ADAM12: variants seen among roughly 807,000 people sequenced by gnomAD.
The protein encoded by ADAM12 is ADAM metallopeptidase domain 12.
In ADAM12, 70 loss-of-function variants were observed where a neutral mutation model predicts 106.4. That is an observed-to-expected ratio of 0.66 (90% CI 0.54 to 0.80). The LOEUF (loss-of-function observed/expected upper bound fraction) is 0.80, where lower values mean the gene tolerates loss of function less well. Ranked by LOEUF, ADAM12 falls within the 30% of genes least tolerant of loss-of-function variation. The probability of loss-of-function intolerance (pLI) is 0.00; values close to 1 mark genes in which losing one functional copy is unlikely to be tolerated. For missense variants in ADAM12, 1,010 were observed against 1,171.9 expected (o/e 0.86, Z 2.02); for synonymous variants, 420 against 433.5 (o/e 0.97, Z 0.39).
intron 2 of ADAM12, among the ~76,000 whole-genome samples, chr10:126,294,731 A>G (rs1320804581): frequency 6.6e-6 from 1 of 152,234 alleles, no homozygotes; most frequent in Non-Finnish European, 1.5e-5. Flanking sequence ...TACAACCAGT[A>G]AGAACCAAAA....
intron 21 of ADAM12, 110 bp downstream of exon 21, chr10:126,036,036 C>A: frequency 1.0e-6 from 1 of 996,150 alleles, no homozygotes. Flanking sequence ...GAATTATCTC[C>A]ATTTTACAGA....
At chr10:126,251,396 C>T (rs1031131902) in intron 3 of ADAM12, among the ~76,000 whole-genome samples, 1 of 143,484 alleles carries the variant, frequency 7.0e-6, no homozygotes, top group African/African-American at 2.6e-5. Context: ...AAGAACTTGC[C>T]CAAGGTCACT....
chr10:126,272,847 TG>T, intron 3 of ADAM12: 1 of 416,780 alleles, frequency 2.4e-6, no homozygotes. Context: ...GGATCTACAA[TG>T]GCTTCTACAG....
At chr10:126,344,050 C>G (rs1384063263) in intron 1 of ADAM12, among the ~76,000 whole-genome samples, 1 of 152,158 alleles carries the variant, frequency 6.6e-6, no homozygotes, top group Non-Finnish European at 1.5e-5. Context: ...TCAATTTTGG[C>G]TTTTGTTGCC....
chr10:126,311,532 C>T (rs1003583934), intron 2 of ADAM12, among the ~76,000 whole-genome samples: 10 of 151,942 alleles, frequency 6.6e-5, no homozygotes, highest in South Asian at 4.2e-4. Flanking sequence ...TTGGTGGGCT[C>T]CTGGATGGGG....
intron 3 of ADAM12, among the ~76,000 whole-genome samples, chr10:126,268,664 G>T (rs1290744060): frequency 6.6e-6 from 1 of 152,212 alleles, no homozygotes; most frequent in Non-Finnish European, 1.5e-5. Flanking sequence ...ACTATCAGTT[G>T]CAGTTTTCCC....
At chr10:126,310,322 G>C (rs937176131) in intron 2 of ADAM12, among the ~76,000 whole-genome samples, 3 of 152,096 alleles carry the variant, frequency 2.0e-5, no homozygotes, top group African/African-American at 7.2e-5. Context: ...TAGTAGAGTG[G>C]TCAAAGGGGT....
chr10:126,051,295 C>T (rs1954475407), intron 14 of ADAM12, among the ~76,000 whole-genome samples: 1 of 152,190 alleles, frequency 6.6e-6, no homozygotes, highest in Admixed American at 6.5e-5. Context: ...TTTGCACACA[C>T]CCTATGTATT....
chr10:126,236,166 C>T (rs1958411657), intron 3 of ADAM12, among the ~76,000 whole-genome samples: 1 of 152,220 alleles, frequency 6.6e-6, no homozygotes, highest in African/African-American at 2.4e-5. Flanking sequence ...CCAGGGGATG[C>T]TGGAGCTCAG....
chr10:126,063,293 C>A (rs537737879), intron 14 of ADAM12, among the ~76,000 whole-genome samples: 1 of 152,264 alleles, frequency 6.6e-6, no homozygotes, highest in Non-Finnish European at 1.5e-5. Context: ...CTTTTCCCCC[C>A]CAGAAAGCTC....
At position 126,038,245 on chromosome 10, in the gene ADAM12, G is replaced by A. The variant is rs1954092955; in HGVS notation, c.2345C>T (p.Pro782Leu). 3.1e-6 allele frequency: 5 copies of A among 1,608,564 alleles called. No individual in the cohort carries two copies. The highest frequency in any genetic ancestry group is 2.2e-5 in the South Asian group (2 of 89,370). ...TCACATCTACTCAAGACTCACCTTC[G>A]GTGGGTAGGAATCTGGCGGCTTCCT... ...LMRKPPDSYPPKDNPRRLLQC... is the reference protein window; with the variant it reads ...LMRKPPDSYPLKDNPRRLLQC... The change falls in exon 20 of 23, where the codon CCG (proline) becomes CTG (leucine). Residue 782 changes from proline to leucine, a missense_variant. This residue lies in a region of ADAM12 where 615 missense variants were observed against 708.5 expected (regional missense o/e 0.87). Coordinates refer to ENST00000448723, the MANE Select transcript of ADAM12 (RefSeq NM_001288973.2).
At chr10:126,081,593 G>C (rs529771683) in intron 11 of ADAM12, among the ~76,000 whole-genome samples, 29 of 152,314 alleles carry the variant, frequency 1.9e-4, no homozygotes, top group Non-Finnish European at 3.5e-4. Context: ...ACCTGGGCGT[G>C]TGGTGAGAAC....
chr10:126,118,029 C>A lies in ADAM12; in HGVS notation c.603+9G>T, dbSNP rs758215836. On this transcript the variant is annotated intron_variant, in intron 6 of 22. Coordinates refer to ENST00000448723, the MANE Select transcript of ADAM12 (RefSeq NM_001288973.2). Reference sequence around the variant, plus strand: ...TTTCCAGAAACACAAAATCAGGTATCCCCCTTACCCTTCTTGCCCATGTCT... The same window carrying A: ...TTTCCAGAAACACAAAATCAGGTATACCCCTTACCCTTCTTGCCCATGTCT... 1.2e-6 allele frequency: 2 copies of A among 1,612,864 alleles called. No homozygotes were observed. Among genetic ancestry groups the A allele is most frequent in the Non-Finnish European group, 1.7e-6 (2 of 1,179,158 alleles).
chr10:126,180,225 G>T (rs1341671518), intron 3 of ADAM12, among the ~76,000 whole-genome samples: 1 of 152,178 alleles, frequency 6.6e-6, no homozygotes, highest in Admixed American at 6.5e-5. Flanking sequence ...TGTCCGGAAG[G>T]TCATCCGCTT....
chr10:126,356,212 T>C lies in ADAM12; in HGVS notation c.89-25703A>G, dbSNP rs1218652950. Among the ~76,000 whole-genome samples, 3 of 152,156 alleles carry C rather than the reference T, an allele frequency of 2.0e-5. 1 individual carries two copies. The highest frequency in any genetic ancestry group is 2.9e-5 in the Non-Finnish European group (2 of 68,028). ...CCCCAGGGAACCTCCTGCAACTCTGTACAACTGAAGAATTCAAATAAAAGT... is the reference window on the plus strand; with the variant it reads ...CCCCAGGGAACCTCCTGCAACTCTGCACAACTGAAGAATTCAAATAAAAGT... On this transcript the variant is annotated intron_variant, in intron 1 of 22. Transcript: ENST00000448723.
chr10:126,257,419 G>A (rs1958914503), intron 3 of ADAM12, among the ~76,000 whole-genome samples: 2 of 152,172 alleles, frequency 1.3e-5, no homozygotes, highest in South Asian at 4.1e-4. Flanking sequence ...TTTAGCAAAG[G>A]AACTCGATCT....
rs201118512 is a variant in ADAM12 at position 126,084,628 on chromosome 10, G to T, written c.1145+9357C>A. Among the ~76,000 whole-genome samples, 225 of 152,276 alleles carry T rather than the reference G, an allele frequency of 1.5e-3. 2 individuals are homozygous for T. Among genetic ancestry groups the T allele is most frequent in the African/African-American group, 5.1e-3 (210 of 41,548 alleles). On this transcript the variant is annotated intron_variant, in intron 11 of 22. Transcript: ENST00000448723. ...CAAACATGATAGAAAAAGCAGTCAC[G>T]GTAGATATCTACAAGCCTGCCACCA... is the stretch of plus-strand genomic sequence containing the variant.
intron 8 of ADAM12, among the ~76,000 whole-genome samples, chr10:126,107,766 C>T (rs919134281): frequency 6.6e-6 from 1 of 152,178 alleles, no homozygotes; most frequent in Non-Finnish European, 1.5e-5. Context: ...TAACCTCCCC[C>T]CCGCCCTGCC....
intron 6 of ADAM12, among the ~76,000 whole-genome samples, chr10:126,117,681 C>A (rs1037430676): frequency 1.4e-5 from 2 of 145,742 alleles, no homozygotes; most frequent in African/African-American, 5.2e-5. Flanking sequence ...GTCATGGTGG[C>A]GCCCAACCCT....
Sources: allele counts gnomAD v4.1 joint callset (sites outside exome capture counted in the v4.1 genomes callset), GRCh38; gene constraint gnomAD v4.1.1; regional missense constraint gnomAD v4.1.1; transcripts MANE v1.5; gene names NCBI Gene and HGNC (gene_info 2026-07-23, HGNC 2026-07-21).